The following FBXO22 variants were observed in gnomAD, a reference collection of about 807,000 sequenced individuals.
FBXO22 encodes F-box protein 22.
FBXO22 carries 13 observed loss-of-function variants against 37.2 expected under a neutral mutation model. That is an observed-to-expected ratio of 0.35 (90% CI 0.23 to 0.56). FBXO22 has a LOEUF of 0.56. Among genes scored for constraint, FBXO22 ranks in the 20% least tolerant of loss-of-function variants. The pLI is 0.87. For synonymous variants in FBXO22, 189 were observed against 189.1 expected (o/e 1.00, Z 0.00); for missense variants, 446 against 509.9 (o/e 0.87, Z 1.21).
intron 6 of FBXO22, chr15:75,930,578 G>C: frequency 2.0e-6 from 2 of 985,604 alleles, no homozygotes; most frequent in Non-Finnish European, 2.4e-6. Context: ...CTTTTGAAAG[G>C]CTTTTTCAAG....
At chr15:75,904,350 C>A in intron 1 of FBXO22, 141 bp from the exon 2 acceptor site, 1 of 1,299,468 alleles carries the variant, frequency 7.7e-7, no homozygotes. Context: ...AACTAGCGCC[C>A]TGACTGACAC....
intron 4 of FBXO22, 51 bp downstream of exon 4, chr15:75,914,256 C>T: frequency 7.7e-7 from 1 of 1,290,724 alleles, no homozygotes; most frequent in Non-Finnish European, 1.1e-6. Flanking sequence ...AATGTGGGGT[C>T]CTTTGGATTG....
rs1899879264 is a variant in FBXO22, at chr15:75,904,595, A to G, written c.245A>G (p.His82Arg). The G allele has an allele frequency of 6.2e-7, 1 of 1,612,810 alleles. No individual in the cohort carries two copies. Among genetic ancestry groups the G allele is most frequent in the Non-Finnish European group, 8.5e-7 (1 of 1,179,128 alleles). Residue 82 changes from histidine to arginine, a missense_variant, in exon 2 of 7, where the codon CAT becomes CGT. Transcript: ENST00000308275. ...GCGGAGGCCGGCCACCTGGAGGGGCATTGCTTGGTTCGCGTGGTAGCAGAG... is the reference window on the plus strand; with the variant it reads ...GCGGAGGCCGGCCACCTGGAGGGGCGTTGCTTGGTTCGCGTGGTAGCAGAG... ...GLAEAGHLEGHCLVRVVAEEL... is the reference protein window; with the variant it reads ...GLAEAGHLEGRCLVRVVAEEL...
chr15:75,914,323 A>G, intron 4 of FBXO22, 118 bp downstream of exon 4: 1 of 677,834 alleles, frequency 1.5e-6, no homozygotes, highest in Non-Finnish European at 2.5e-6. Flanking sequence ...AAAATACAAT[A>G]AAGTCAGTCA....
chr15:75,932,499 T>G (rs551877750), intron 6 of FBXO22, among the ~76,000 whole-genome samples, 186 bp from the exon 7 acceptor site: 1 of 152,326 alleles, frequency 6.6e-6, no homozygotes, highest in Non-Finnish European at 1.5e-5. Context: ...TTGATCTGCC[T>G]TGTGCATTTT....
chr15:75,905,964 C>T (rs1358613972), intron 2 of FBXO22, among the ~76,000 whole-genome samples: 2 of 152,108 alleles, frequency 1.3e-5, no homozygotes, highest in Admixed American at 1.3e-4. Flanking sequence ...GTGAAGAGAT[C>T]ATTTGAAACT....
intron 2 of FBXO22, 66 bp downstream of exon 2, chr15:75,904,695 T>C: frequency 6.8e-7 from 1 of 1,479,022 alleles, no homozygotes; most frequent in Non-Finnish European, 9.0e-7. Context: ...GAGAACTATT[T>C]TTTTTTAAAT....
chr15:75,917,166 C>T (rs1211997085), intron 4 of FBXO22, 64 bp from the exon 5 acceptor site: 11 of 1,206,048 alleles, frequency 9.1e-6, no homozygotes, highest in African/African-American at 1.5e-5. Flanking sequence ...ATCTTAGTGA[C>T]CTAAACTGTA....
chr15:75,904,050 G>A lies in FBXO22; in HGVS notation c.87G>A (p.Val29=). The change falls in exon 1 of 7, where the codon GTG becomes GTA. Residue 29 remains valine, a synonymous_variant. Transcript: ENST00000308275. ...TCGTGTTGAGTAACCTGGCGGAGGTGGTGGAGCGTGTGCTCACCTTCCTGC... is the reference window on the plus strand; with the variant it reads ...TCGTGTTGAGTAACCTGGCGGAGGTAGTGGAGCGTGTGCTCACCTTCCTGC... ...STFVLSNLAE[V]VERVLTFLPA... 1.3e-6 allele frequency: 2 copies of A among 1,560,810 alleles called. No homozygotes were observed. The highest frequency in any genetic ancestry group is 1.7e-6 in the Non-Finnish European group (2 of 1,151,820).
intron 2 of FBXO22, among the ~76,000 whole-genome samples, chr15:75,912,260 G>A (rs1207920528): frequency 6.6e-6 from 1 of 151,994 alleles, no homozygotes; most frequent in African/African-American, 2.4e-5. Context: ...CCAGGTTTTG[G>A]TATCAGAATG....
chr15:75,904,438 G>T, intron 1 of FBXO22, 53 bp from the exon 2 acceptor site: 3 of 1,612,122 alleles, frequency 1.9e-6, no homozygotes, highest in Non-Finnish European at 2.5e-6. Context: ...TGAGCTGTGG[G>T]AGAGACGAAA....
intron 5 of FBXO22, among the ~76,000 whole-genome samples, chr15:75,923,752 T>A (rs1173907720): frequency 1.3e-5 from 2 of 152,200 alleles, no homozygotes; most frequent in Non-Finnish European, 2.9e-5. Context: ...TTTTAAATTT[T>A]TCAGTTAAAA....
chr15:75,929,322 A>AT (rs397776614), intron 5 of FBXO22, among the ~76,000 whole-genome samples: 45 of 150,560 alleles, frequency 3.0e-4, no homozygotes, highest in Admixed American at 2.0e-3. Flanking sequence ...AAAAAAAAAA[A>AT]TTTTTTTTAA....
At chr15:75,904,419 G>A in intron 1 of FBXO22, 72 bp from the exon 2 acceptor site, 1 of 1,599,808 alleles carries the variant, frequency 6.3e-7, no homozygotes, top group Non-Finnish European at 8.5e-7. Flanking sequence ...GCCAGCGGGT[G>A]GGGGTTTGTG....
At chr15:75,921,567 A>T (rs901235812) in intron 5 of FBXO22, among the ~76,000 whole-genome samples, 1 of 152,148 alleles carries the variant, frequency 6.6e-6, no homozygotes, top group African/African-American at 2.4e-5. Context: ...AGGCTGAGGC[A>T]GGAGAATCGC....
chr15:75,913,170 G>C, intron 2 of FBXO22, 33 bp from the exon 3 acceptor site: 1 of 1,444,026 alleles, frequency 6.9e-7, no homozygotes, highest in Non-Finnish European at 9.6e-7. Context: ...GGATTCATGG[G>C]ATCCAATTCC....
chr15:75,930,518 C>T, intron 6 of FBXO22: 3 of 987,566 alleles, frequency 3.0e-6, no homozygotes, highest in Non-Finnish European at 3.6e-6. Context: ...AACTTTTTTC[C>T]ACAGAATGTC....
At chr15:75,929,775 A>C (rs1436040321) in intron 5 of FBXO22, 109 bp from the exon 6 acceptor site, 1 of 1,283,728 alleles carries the variant, frequency 7.8e-7, no homozygotes, top group Non-Finnish European at 1.1e-6. Context: ...TAAGCCACTA[A>C]ATTGCCCTTA....
chr15:75,920,233 C>A (rs1202302341), intron 5 of FBXO22, among the ~76,000 whole-genome samples: 1 of 152,118 alleles, frequency 6.6e-6, no homozygotes, highest in African/African-American at 2.4e-5. Flanking sequence ...CAAACTAGGT[C>A]TTTTTCAGAG....
Sources: gnomAD v4.1 joint callset for allele counts (sites outside exome capture counted in the v4.1 genomes callset) on GRCh38, gnomAD v4.1.1 for gene constraint, MANE v1.5 for transcripts, NCBI Gene and HGNC (gene_info 2026-07-23, HGNC 2026-07-21) for gene names.